WDCP: variants seen among roughly 807,000 people sequenced by gnomAD.
WDCP encodes WD repeat and coiled coil containing.
Under a neutral mutation model 41.6 loss-of-function variants are expected in WDCP, and 19 were observed. The observed-to-expected ratio is 0.46, with a 90% CI of 0.32 to 0.67. WDCP has a LOEUF of 0.67. Among genes scored for constraint, WDCP ranks in the 30% least tolerant of loss-of-function variants. The pLI is 0.04. For missense variants in WDCP, 802 were observed against 850.7 expected, an observed-to-expected ratio of 0.94 and a Z score of 0.71; for synonymous variants, 302 against 320.8, an observed-to-expected ratio of 0.94 and a Z score of 0.63.
At chr2:24,039,693 C>T (rs1297992601) in intron 1 of WDCP, among the ~76,000 whole-genome samples, 181 bp from the exon 2 acceptor site, 2 of 152,106 alleles carry the variant, frequency 1.3e-5, no homozygotes, top group East Asian at 3.8e-4. Flanking sequence ...AATGTATATA[C>T]TTTGGATCTT....
intron 1 of WDCP, among the ~76,000 whole-genome samples, chr2:24,045,631 G>GAGGAAGGAAGGA (rs4041250): frequency 1.3e-4 from 14 of 106,144 alleles, no homozygotes; most frequent in Non-Finnish European, 2.0e-4. Context: ...GAGAGAGAGA[G>GAGGAAGGAAGGA]AGGAAGGAAG....
chr2:24,033,811 G>C (rs1369411513), intron 2 of WDCP, among the ~76,000 whole-genome samples: 3 of 152,124 alleles, frequency 2.0e-5, no homozygotes, highest in East Asian at 3.8e-4. Flanking sequence ...TAAGCACTTT[G>C]GGAGGCCAGA....
chr2:24,038,023 G>C lies in WDCP; in HGVS notation c.1472C>G (p.Pro491Arg). The C allele has an allele frequency of 6.2e-7, 1 of 1,614,142 alleles. No homozygotes were observed. The highest frequency in any genetic ancestry group is 8.5e-7 in the Non-Finnish European group (1 of 1,180,022). ...GATTTCTTTAATAAGTGTTCTTCCA[G>C]GCCTTCCATTCTGACTACTGGTATT... Reference protein sequence around the residue: ...TVNTSSQNGRPGRTLIKEIQS... With the variant: ...TVNTSSQNGRRGRTLIKEIQS... Residue 491 changes from proline (P) to arginine (R), a missense_variant, in exon 2 of 4, where the codon CCT becomes CGT. Pro to Arg is a moderately radical substitution (Grantham distance 103). Transcript: ENST00000295148.
intron 1 of WDCP, among the ~76,000 whole-genome samples, chr2:24,043,655 T>C (rs1663522326): frequency 6.6e-6 from 1 of 152,224 alleles, no homozygotes; most frequent in African/African-American, 2.4e-5. Flanking sequence ...CCATTCCAAT[T>C]TCTTCTCCAA....
intron 2 of WDCP, among the ~76,000 whole-genome samples, chr2:24,035,302 T>A (rs545241191): frequency 6.6e-6 from 1 of 151,686 alleles, no homozygotes; most frequent in African/African-American, 2.4e-5. Flanking sequence ...TGAAAAGGTG[T>A]GTATATCACC....
intron 2 of WDCP, 87 bp downstream of exon 2, chr2:24,037,590 C>T (rs1663293424): frequency 1.5e-6 from 2 of 1,354,998 alleles, no homozygotes; most frequent in Non-Finnish European, 1.0e-6. Flanking sequence ...GTTAGAGCAC[C>T]ATCTTCCTCA....
At chr2:24,031,803 G>T (rs573862117) in intron 3 of WDCP, among the ~76,000 whole-genome samples, 1 of 151,620 alleles carries the variant, frequency 6.6e-6, no homozygotes, top group East Asian at 1.9e-4. Context: ...TCCAGCCTGG[G>T]TGACAGAGTG....
Position 24,038,437 on chromosome 2 carries a change from A to T in WDCP, c.1058T>A (p.Val353Glu), listed in dbSNP as rs749231297. The T allele has an allele frequency of 1.2e-6, 2 of 1,614,178 alleles. No homozygotes were observed. The highest frequency in any genetic ancestry group is 3.3e-5 in the Admixed American group (2 of 60,026). ...ACAAGTGTTGGAAGCCACTGCCACTACGTGGGCTTTAAGATTAAATGCTAT... is the reference window on the plus strand; with the variant it reads ...ACAAGTGTTGGAAGCCACTGCCACTTCGTGGGCTTTAAGATTAAATGCTAT... ...DLIAFNLKAH[V>E]VAVASNTCNI... Residue 353 changes from valine to glutamate, a missense_variant, in exon 2 of 4, where the codon GTA (valine) becomes GAA (glutamate). Physicochemically the swap from Val to Glu is moderately radical, Grantham distance 121. Coordinates refer to ENST00000295148, the MANE Select transcript of WDCP (RefSeq NM_025203.3).
intron 2 of WDCP, chr2:24,033,258 G>T (rs1215238140): frequency 2.1e-6 from 1 of 484,268 alleles, no homozygotes; most frequent in Non-Finnish European, 4.1e-6. Flanking sequence ...CAATCTGACG[G>T]TAAGAACACC....
chr2:24,046,630 A>G (rs1383557329), intron 1 of WDCP, among the ~76,000 whole-genome samples: 3 of 152,228 alleles, frequency 2.0e-5, no homozygotes, highest in Non-Finnish European at 4.4e-5. Context: ...AAACAAAAGT[A>G]CATCCCTCCC....
At chr2:24,045,205 T>C (rs541257418) in intron 1 of WDCP, among the ~76,000 whole-genome samples, 2 of 152,236 alleles carry the variant, frequency 1.3e-5, no homozygotes, top group South Asian at 4.1e-4. Context: ...GTGATATCGA[T>C]AGGATATAAG....
chr2:24,032,222 TA>T (rs1432474149), intron 3 of WDCP, among the ~76,000 whole-genome samples: 3 of 152,152 alleles, frequency 2.0e-5, no homozygotes, highest in Admixed American at 2.0e-4. Flanking sequence ...ACATTTTTTT[TA>T]AACTTGGCTG....
Position 24,039,390 on chromosome 2 carries a change from G to C in WDCP, c.105C>G (p.Val35=). ...GLAWTDGNQV[V]LTDLRLHSGE... is the part of the protein sequence containing the mutation. The stretch of plus-strand genomic sequence containing the variant: ...CACTGTGAAGCCGCAAATCAGTTAG[G>C]ACAACTTGATTCCCATCGGTCCAGG... Residue 35 remains valine, a synonymous_variant, in exon 2 of 4, where the codon GTC becomes GTG. Coordinates refer to ENST00000295148, the MANE Select transcript of WDCP (RefSeq NM_025203.3). The C allele has an allele frequency of 6.2e-7, 1 of 1,614,252 alleles. No individual in the cohort carries two copies. The highest frequency in any genetic ancestry group is 1.3e-5 in the African/African-American group (1 of 75,066).
chr2:24,043,833 A>T (rs1487403228), intron 1 of WDCP, among the ~76,000 whole-genome samples: 3 of 152,080 alleles, frequency 2.0e-5, no homozygotes, highest in African/African-American at 7.2e-5. Flanking sequence ...CTTATCTGTA[A>T]ATTATTTCGC....
At chr2:24,037,022 A>T (rs1663275917) in intron 2 of WDCP, among the ~76,000 whole-genome samples, 1 of 152,256 alleles carries the variant, frequency 6.6e-6, no homozygotes, top group African/African-American at 2.4e-5. Flanking sequence ...ATTTTAAATG[A>T]ACATAACCTT....
chr2:24,043,730 G>A lies in WDCP; in HGVS notation c.-19+3584C>T, dbSNP rs115591027. On this transcript the variant is annotated intron_variant, in intron 1 of 3. Coordinates refer to ENST00000295148, the MANE Select transcript of WDCP (RefSeq NM_025203.3). ...AATCTAAATGACATTTTTCAGCCTT[G>A]TTTTACTGAGTAAGTGTCAAAGGCA... 6.4e-3 allele frequency among the ~76,000 whole-genome samples: 978 copies of A among 152,228 alleles called. 7 individuals are homozygous for A. Among genetic ancestry groups the A allele is most frequent in the African/African-American group, 0.019 (794 of 41,532 alleles).
Position 24,031,036 on chromosome 2 carries a change from G to GA in WDCP, c.2062dup (p.Ser688PhefsTer11), listed in dbSNP as rs755458330. ...AGAAGAAACAGCACCTGGACTGTGA[G>GA]AAAAAGAGTCTCTGAAGACATCTGA... On this transcript the variant is annotated frameshift_variant, in exon 4 of 4. Coordinates refer to ENST00000295148, the MANE Select transcript of WDCP (RefSeq NM_025203.3). LOFTEE classifies it low-confidence loss of function (END_TRUNC). 2 of 1,614,206 alleles carry GA rather than the reference G, an allele frequency of 1.2e-6. No individual in the cohort carries two copies. The highest frequency in any genetic ancestry group is 1.7e-5 in the Admixed American group (1 of 60,018).
chr2:24,040,097 G>C (rs1447808091), intron 1 of WDCP, among the ~76,000 whole-genome samples: 1 of 151,984 alleles, frequency 6.6e-6, no homozygotes, highest in East Asian at 1.9e-4. Flanking sequence ...TCCCGCGCCC[G>C]GCCAGAGTTA....
At position 24,037,683 on chromosome 2, in the gene WDCP, A is replaced by G. The variant is rs1306228466; in HGVS notation, c.1812T>C (p.Ile604=). 1.2e-6 allele frequency: 2 copies of G among 1,607,970 alleles called. No homozygotes were observed. The highest frequency in any genetic ancestry group is 1.7e-6 in the Non-Finnish European group (2 of 1,177,504). Residue 604 remains isoleucine, a synonymous_variant, in exon 2 of 4, where the codon ATT becomes ATC. Transcript: ENST00000295148. ...TCCTCAAAGGAGAATTTACCTGGTA[A>G]ATGATGTGAACATAAGGAAGATCTT... ...LSQDLPYVHI[I]YQKPYYLGPV... is the part of the protein sequence containing the mutation.
Sources: allele counts gnomAD v4.1 joint callset (sites outside exome capture counted in the v4.1 genomes callset), GRCh38; gene constraint gnomAD v4.1.1; transcripts MANE v1.5; gene names NCBI Gene and HGNC (gene_info 2026-07-23, HGNC 2026-07-21).